Variants in RHPN2 observed in about 807,000 individuals in gnomAD.
The protein encoded by RHPN2 is rhophilin-2.
A neutral mutation model predicts 79.0 loss-of-function variants in RHPN2; 40 were observed. The ratio of observed to expected loss-of-function variants is 0.51; its 90% CI spans 0.39 to 0.66. RHPN2 has a LOEUF of 0.66. Ranked by LOEUF, RHPN2 falls within the 30% of genes least tolerant of loss-of-function variation. The pLI is 0.00. For synonymous variants in RHPN2, 285 were observed against 363.5 expected (o/e 0.78, Z 2.46); for missense variants, 686 against 883.5 (o/e 0.78, Z 2.83).
chr19:33,005,692 C>T (rs919552935), intron 7 of RHPN2, among the ~76,000 whole-genome samples: 1 of 151,478 alleles, frequency 6.6e-6, no homozygotes, highest in African/African-American at 2.4e-5. Flanking sequence ...TTCCCTCACA[C>T]TCCCCACTGT....
chr19:33,037,825 A>G (rs1972070699), intron 2 of RHPN2, among the ~76,000 whole-genome samples: 1 of 152,216 alleles, frequency 6.6e-6, no homozygotes, highest in African/African-American at 2.4e-5. Flanking sequence ...TCTTGAAGTC[A>G]GTGAGACCAA....
At chr19:33,061,688 A>G (rs1251454344) in intron 1 of RHPN2, among the ~76,000 whole-genome samples, 1 of 151,964 alleles carries the variant, frequency 6.6e-6, no homozygotes, top group Admixed American at 6.6e-5. Flanking sequence ...TTCACCATGT[A>G]GGCCAGGCTG....
At chr19:33,055,895 G>A (rs145117420) in intron 1 of RHPN2, among the ~76,000 whole-genome samples, 1 of 152,086 alleles carries the variant, frequency 6.6e-6, no homozygotes, top group Non-Finnish European at 1.5e-5. Flanking sequence ...TTCTCCTACA[G>A]CTCTTGAGTA....
intron 6 of RHPN2, among the ~76,000 whole-genome samples, chr19:33,008,879 G>A (rs1361851163): frequency 3.3e-5 from 5 of 152,046 alleles, no homozygotes; most frequent in African/African-American, 7.2e-5. Context: ...AATATCTGAC[G>A]GGGTAACTGG....
At chr19:33,053,984 C>T (rs571620253) in intron 1 of RHPN2, among the ~76,000 whole-genome samples, 1 of 151,992 alleles carries the variant, frequency 6.6e-6, no homozygotes, top group African/African-American at 2.4e-5. Context: ...CTCAGCCTCC[C>T]GAGAAGCTGG....
chr19:33,025,599 AGTGCACAGAATCTCT>A (rs1971959414), intron 3 of RHPN2, among the ~76,000 whole-genome samples: 1 of 152,250 alleles, frequency 6.6e-6, no homozygotes, highest in African/African-American at 2.4e-5. Flanking sequence ...ACGTAAGTAC[AGTGCACAGAATCTCT>A]GTGTGTGCAT....
At position 33,008,283 on chromosome 19, in the gene RHPN2, A is replaced by ACT. The variant is rs1386682459; in HGVS notation, c.594-105_594-104dup. The ACT allele has an allele frequency of 3.9e-5, 46 of 1,169,802 alleles. No homozygotes were observed. The African/African-American group carries it at 7.0e-4, about 18-fold the overall frequency. The allele number at this position is 1,169,802 out of a possible 1,614,324, so 72.5% of individuals were successfully genotyped here. The stretch of plus-strand genomic sequence containing the variant: ...TTTTTTTTTTAAGAGTCAATATCTC[A>ACT]CTCTGTTGCCCAGGCTGGAGTGCAG... On this transcript the variant is annotated intron_variant, in intron 6 of 14. Transcript: ENST00000254260.
At chr19:33,001,310 G>A (rs1436798761) in intron 9 of RHPN2, among the ~76,000 whole-genome samples, 4 of 152,146 alleles carry the variant, frequency 2.6e-5, no homozygotes, top group African/African-American at 9.7e-5. Context: ...GCCAAGGCAG[G>A]ACAACTGCTT....
chr19:33,051,597 T>A (rs1972188432), intron 1 of RHPN2: 2 of 180,164 alleles, frequency 1.1e-5, no homozygotes, highest in Non-Finnish European at 1.3e-5. Context: ...AACAACTAAA[T>A]GTGTGCCCAG....
chr19:32,992,471 G>A (rs891032041), intron 12 of RHPN2, among the ~76,000 whole-genome samples: 5 of 152,150 alleles, frequency 3.3e-5, no homozygotes, highest in African/African-American at 7.2e-5. Context: ...GATTAAAGGC[G>A]TGAGCCACCG....
chr19:32,992,078 A>C (rs1971664848), intron 12 of RHPN2, 109 bp from the exon 13 acceptor site: 5 of 1,278,416 alleles, frequency 3.9e-6, no homozygotes, highest in Admixed American at 1.9e-5. Context: ...GGCCTTGTTC[A>C]GGGACAAATG....
At chr19:32,980,696 C>CT (rs1436512309) in intron 14 of RHPN2, among the ~76,000 whole-genome samples, 1 of 151,946 alleles carries the variant, frequency 6.6e-6, no homozygotes, top group African/African-American at 2.4e-5. Flanking sequence ...AACTTTTTTT[C>CT]TTTTTTGAGA....
chr19:33,059,210 T>C (rs1046093314), intron 1 of RHPN2, among the ~76,000 whole-genome samples: 36 of 151,908 alleles, frequency 2.4e-4, no homozygotes, highest in Admixed American at 7.9e-4. Context: ...ACCCCCCGCC[T>C]CGACTCCTGG....
At chr19:32,981,201 T>G (rs1288437444) in intron 14 of RHPN2, among the ~76,000 whole-genome samples, 2 of 152,000 alleles carry the variant, frequency 1.3e-5, no homozygotes, top group African/African-American at 2.4e-5. Flanking sequence ...ATTTTAAGGT[T>G]CTTCTTCTAT....
At chr19:33,034,996 C>A (rs1273720880) in intron 2 of RHPN2, among the ~76,000 whole-genome samples, 2 of 151,904 alleles carry the variant, frequency 1.3e-5, no homozygotes, top group South Asian at 2.1e-4. Context: ...GAGATGGAGT[C>A]TTGCTCTGTC....
chr19:33,014,695 A>G (rs1656103832), intron 4 of RHPN2, among the ~76,000 whole-genome samples: 1 of 151,994 alleles, frequency 6.6e-6, no homozygotes, highest in Non-Finnish European at 1.5e-5. Flanking sequence ...TGAGGTAGGT[A>G]GATCACTTGA....
intron 1 of RHPN2, 84 bp downstream of exon 1, chr19:33,064,700 C>T: frequency 5.7e-6 from 8 of 1,400,302 alleles, no homozygotes; most frequent in Non-Finnish European, 7.7e-6. Context: ...ACCCCGACTG[C>T]GCGCTCCCAC....
chr19:33,022,720 G>T (rs1971934841), intron 3 of RHPN2, among the ~76,000 whole-genome samples: 1 of 152,182 alleles, frequency 6.6e-6, no homozygotes, highest in Non-Finnish European at 1.5e-5. Flanking sequence ...TCCCTGACCT[G>T]TAACAGGAGA....
intron 14 of RHPN2, among the ~76,000 whole-genome samples, chr19:32,980,877 G>A (rs576139092): frequency 5.3e-5 from 8 of 151,866 alleles, no homozygotes; most frequent in African/African-American, 9.7e-5. Context: ...TCACTCTGTC[G>A]CCCAGGCTGG....
Sources: gnomAD v4.1 joint callset for allele counts (sites outside exome capture counted in the v4.1 genomes callset) on GRCh38, gnomAD v4.1.1 for gene constraint, MANE v1.5 for transcripts, NCBI Gene and HGNC (gene_info 2026-07-23, HGNC 2026-07-21) for gene names.